The following RGS12 variants were observed in gnomAD, a reference collection of about 807,000 sequenced individuals.
The protein encoded by RGS12 is regulator of G protein signaling 12, also known as regulator of G-protein signaling 12.
RGS12 carries 66 observed loss-of-function variants against 120.1 expected under a neutral mutation model. That is an observed-to-expected ratio of 0.55 (90% CI 0.45 to 0.67). The LOEUF (loss-of-function observed/expected upper bound fraction) is 0.67, where lower values mean the gene tolerates loss of function less well. RGS12 is among the 30% of genes least tolerant of loss of function. RGS12 has a pLI of 0.00. For missense variants in RGS12, 1,859 were observed against 1,957.7 expected (o/e 0.95, Z 0.95); for synonymous variants, 827 against 804.7 (o/e 1.03, Z -0.47).
intron 1 of RGS12, among the ~76,000 whole-genome samples, chr4:3,302,710 G>A (rs1028174296): frequency 3.9e-5 from 6 of 152,218 alleles, no homozygotes; most frequent in Admixed American, 1.3e-4. Context: ...AGGCACAGCC[G>A]GAGTGTGGGG....
In RGS12 at chr4:3,317,126, C is replaced by T. The variant is rs542660495; in HGVS notation, c.956C>T (p.Thr319Met). The T allele has an allele frequency of 4.9e-5, 79 of 1,613,926 alleles. No homozygotes were observed. Among genetic ancestry groups the T allele is most frequent in the African/African-American group, 3.2e-4 (24 of 75,052 alleles). ...TTTTTCGGGTTGGTTACCATGCAGACGAATGACGACGGGAGCCTGGCCCAG... is the reference window on the plus strand; with the variant it reads ...TTTTTCGGGTTGGTTACCATGCAGATGAATGACGACGGGAGCCTGGCCCAG... ...RRFFGLVTMQ[T>M]NDDGSLAQEE... Residue 319 changes from threonine (T) to methionine (M), a missense_variant, in exon 2 of 18, where the codon ACG (threonine) becomes ATG (methionine). Around this residue, in one of 3 missense-constraint regions of RGS12, gnomAD observed 967 missense variants for 994.2 expected, o/e 0.97. Transcript: ENST00000336727.
At chr4:3,346,955 G>A (rs1713853394) in intron 3 of RGS12, among the ~76,000 whole-genome samples, 1 of 151,826 alleles carries the variant, frequency 6.6e-6, no homozygotes, top group African/African-American at 2.4e-5. Flanking sequence ...CAGAACCACT[G>A]GTCTCAGTTG....
rs760454756 is a variant in RGS12 at position 3,430,745 on chromosome 4, C to T, written c.3904C>T (p.Pro1302Ser). The change falls in exon 17 of 18, where the codon CCC (proline) becomes TCC (serine). Residue 1302 changes from proline (P) to serine (S), a missense_variant. Pro to Ser is a moderately conservative substitution (Grantham distance 74, BLOSUM62 -1). Coordinates refer to ENST00000336727, the MANE Select transcript of RGS12 (RefSeq NM_001394154.1). ...GTCTCCCAGCGGGCCCTTCTGCACT[C>T]CCCAGTCCCCCGTCTCCCTCGCGCA... ...QKSPSGPFCT[P>S]QSPVSLAQEG... The T allele has an allele frequency of 1.2e-6, 2 of 1,606,350 alleles. No individual in the cohort carries two copies. The highest frequency in any genetic ancestry group is 1.7e-6 in the Non-Finnish European group (2 of 1,176,484).
intron 1 of RGS12, among the ~76,000 whole-genome samples, chr4:3,310,282 G>A (rs370328731): frequency 0.15 from 4,815 of 32,092 alleles, 2 homozygotes; most frequent in Admixed American, 0.18. Context: ...AACCGTGTCG[G>A]GGAGGAGCTG....
chr4:3,379,043 G>GTA (rs1553812847), intron 3 of RGS12, among the ~76,000 whole-genome samples: 56 of 135,398 alleles, frequency 4.1e-4, no homozygotes, highest in African/African-American at 1.1e-3. Context: ...GTGTGTGTGT[G>GTA]TGTTTAGAGA....
At chr4:3,410,926 C>T (rs927975405) in intron 4 of RGS12, among the ~76,000 whole-genome samples, 12 of 152,176 alleles carry the variant, frequency 7.9e-5, no homozygotes, top group African/African-American at 2.4e-4. Context: ...GATGTGTGGC[C>T]GGTGCCCCAC....
chr4:3,312,630 C>G (rs1724477461), intron 1 of RGS12: 1 of 232,406 alleles, frequency 4.3e-6, no homozygotes, highest in Non-Finnish European at 9.7e-6. Flanking sequence ...GAGGAACCAC[C>G]ACCTGAAAGT....
chr4:3,365,391 C>T lies in RGS12; in HGVS notation c.1999-21025C>T, dbSNP rs1716197997. 6.6e-6 allele frequency among the ~76,000 whole-genome samples: 1 copy of T among 151,380 alleles called. No homozygotes were observed. Among genetic ancestry groups the T allele is most frequent in the Non-Finnish European group, 1.5e-5 (1 of 67,816 alleles). Reference sequence around the variant, plus strand: ...GACAGGTGAGAGGAGGGAGGGAGGACAGGTCTTGAGGGAGGGAGGAGGGAG... The same window carrying T: ...GACAGGTGAGAGGAGGGAGGGAGGATAGGTCTTGAGGGAGGGAGGAGGGAG... On this transcript the variant is annotated intron_variant, in intron 3 of 17. Transcript: ENST00000336727. The surrounding 1 kb of genome is among the most constrained non-coding windows in gnomAD (Gnocchi z 4.0).
intron 17 of RGS12, chr4:3,431,717 G>C: frequency 1.0e-6 from 1 of 985,616 alleles, no homozygotes; most frequent in Non-Finnish European, 1.2e-6. Flanking sequence ...CCATCCCCTG[G>C]AGAGAGGAGC....
intron 4 of RGS12, among the ~76,000 whole-genome samples, chr4:3,407,973 C>T (rs1406674): frequency 0.57 from 86,678 of 152,078 alleles, 25,452 homozygotes; most frequent in African/African-American, 0.73. Context: ...ATGGGTCAGT[C>T]GAAAGAAAAA....
intron 1 of RGS12, among the ~76,000 whole-genome samples, chr4:3,308,507 C>T (rs950178191): frequency 2.0e-4 from 30 of 152,144 alleles, no homozygotes; most frequent in African/African-American, 6.5e-4. Context: ...GGCTGGGGTG[C>T]GAGGTGTATG....
intron 1 of RGS12, among the ~76,000 whole-genome samples, chr4:3,309,889 G>A (rs527532899): frequency 3.2e-5 from 4 of 125,232 alleles, no homozygotes; most frequent in Non-Finnish European, 6.7e-5. Context: ...GCAGGTGTCC[G>A]CTGAGGGGAA....
At chr4:3,307,312 T>C (rs1724030273) in intron 1 of RGS12, among the ~76,000 whole-genome samples, 1 of 152,202 alleles carries the variant, frequency 6.6e-6, no homozygotes, top group Non-Finnish European at 1.5e-5. Flanking sequence ...CAGGCCACGC[T>C]GCGGCAGCGT....
chr4:3,352,689 C>T (rs1459970949), intron 3 of RGS12, among the ~76,000 whole-genome samples: 1 of 152,160 alleles, frequency 6.6e-6, no homozygotes, highest in Non-Finnish European at 1.5e-5. Flanking sequence ...GCTGGACAGG[C>T]AGTTGCTAGG....
At chr4:3,439,124 G>T (rs1577118489) in intron 17 of RGS12, among the ~76,000 whole-genome samples, 1 of 152,022 alleles carries the variant, frequency 6.6e-6, no homozygotes, top group African/African-American at 2.4e-5. Flanking sequence ...GAGGAATTAG[G>T]GGGGCAGTTG....
At chr4:3,435,002 G>A (rs997377110) in intron 17 of RGS12, among the ~76,000 whole-genome samples, 2 of 152,110 alleles carry the variant, frequency 1.3e-5, no homozygotes, top group Non-Finnish European at 1.5e-5. Flanking sequence ...GCAGGGAGAT[G>A]CTAGGCACCA....
rs368268027 is a variant in RGS12 at position 3,414,831 on chromosome 4, A to G, written c.2270A>G (p.His757Arg). The change falls in exon 6 of 18, where the codon CAT becomes CGT. Residue 757 changes from histidine to arginine, a missense_variant. Coordinates refer to ENST00000336727, the MANE Select transcript of RGS12 (RefSeq NM_001394154.1). The stretch of plus-strand genomic sequence containing the variant: ...GAATATTTTAATCATGTTCCTGCAC[A>G]TGACAAAAAGGAGGTAAGTCCACGC... ...ACEYFNHVPA[H>R]DKKELSYRAR... is the part of the protein sequence containing the mutation. 3.7e-6 allele frequency: 6 copies of G among 1,613,060 alleles called. No homozygotes were observed. Among genetic ancestry groups the G allele is most frequent in the African/African-American group, 2.7e-5 (2 of 74,928 alleles).
upstream of RGS12, among the ~76,000 whole-genome samples, chr4:3,291,044 G>C (rs2110337489): frequency 1.3e-5 from 2 of 152,324 alleles, 1 homozygote; most frequent in East Asian, 3.9e-4. Flanking sequence ...TCTCTCACAG[G>C]CTCGGTGACC....
At chr4:3,379,064 A>G (rs1207453741) in intron 3 of RGS12, among the ~76,000 whole-genome samples, 2 of 151,420 alleles carry the variant, frequency 1.3e-5, no homozygotes, top group Admixed American at 1.3e-4. Flanking sequence ...GAGAATGAGA[A>G]TAGCATATTC....
Sources: allele counts gnomAD v4.1 joint callset (sites outside exome capture counted in the v4.1 genomes callset), GRCh38; gene constraint gnomAD v4.1.1; regional missense constraint gnomAD v4.1.1; non-coding constraint Gnocchi (gnomAD v3.1); transcripts MANE v1.5; gene names NCBI Gene and HGNC (gene_info 2026-07-23, HGNC 2026-07-21).